PSMB7: variants seen among roughly 807,000 people sequenced by gnomAD.
The protein encoded by PSMB7 is proteasome subunit beta type-7.
Under a neutral mutation model 28.1 loss-of-function variants are expected in PSMB7, and 5 were observed. The observed-to-expected ratio is 0.18, with a 90% CI of 0.09 to 0.37. PSMB7 has a LOEUF of 0.37. Among genes scored for constraint, PSMB7 ranks in the 10% least tolerant of loss-of-function variants. The pLI, the probability that PSMB7 is intolerant of heterozygous loss-of-function variation, is 1.00. For missense variants in PSMB7, 275 were observed against 346.2 expected, an observed-to-expected ratio of 0.79 and a Z score of 1.63; for synonymous variants, 122 against 123.7, an observed-to-expected ratio of 0.99 and a Z score of 0.09.
intron 7 of PSMB7, among the ~76,000 whole-genome samples, chr9:124,354,001 T>C (rs1015250051): frequency 6.6e-6 from 1 of 152,186 alleles, no homozygotes; most frequent in East Asian, 1.9e-4. Context: ...TGGGAAGCAC[T>C]TGGTCCCTTG....
intron 5 of PSMB7, among the ~76,000 whole-genome samples, chr9:124,400,058 C>A (rs545321086): frequency 3.0e-4 from 46 of 152,176 alleles, no homozygotes; most frequent in African/African-American, 1.1e-3. Flanking sequence ...CTCTTCCACC[C>A]TCCCCATCTT....
intron 5 of PSMB7, among the ~76,000 whole-genome samples, chr9:124,402,364 C>T (rs1830919431): frequency 6.6e-6 from 1 of 152,208 alleles, no homozygotes; most frequent in South Asian, 2.1e-4. Context: ...GCTTTATGCT[C>T]ATGACACAAA....
At chr9:124,392,292 G>A (rs967644475) in intron 5 of PSMB7, among the ~76,000 whole-genome samples, 2 of 152,214 alleles carry the variant, frequency 1.3e-5, no homozygotes, top group Non-Finnish European at 2.9e-5. Flanking sequence ...AGGTGCCCAC[G>A]CAGGAGCAGC....
chr9:124,414,106 C>T, intron 2 of PSMB7, 101 bp from the exon 3 acceptor site: 2 of 666,076 alleles, frequency 3.0e-6, no homozygotes, highest in Non-Finnish European at 5.0e-6. Context: ...CCACATGCTC[C>T]CCTAATCTCA....
chr9:124,412,426 C>T lies in PSMB7; in HGVS notation c.321G>A (p.Glu107=). Residue 107 remains glutamate, a synonymous_variant, in exon 4 of 8, where the codon GAG becomes GAA. Coordinates refer to ENST00000259457, the MANE Select transcript of PSMB7 (RefSeq NM_002799.4). ...GACGGCCAGTGGAGAGGGAGTGGAG[C>T]TCCAGGTTGGAAGAAATGAGCTGGG... ...MTTQLISSNL[E]LHSLSTGRLP... 1 of 1,614,126 alleles carries T rather than the reference C, an allele frequency of 6.2e-7. No individual in the cohort carries two copies.
intron 5 of PSMB7, among the ~76,000 whole-genome samples, chr9:124,401,976 G>GCCA (rs1220542976): frequency 6.7e-6 from 1 of 150,274 alleles, no homozygotes; most frequent in African/African-American, 2.4e-5. Context: ...CAGAGATCAT[G>GCCA]CCACTGCACA....
intron 6 of PSMB7, among the ~76,000 whole-genome samples, chr9:124,361,626 A>G (rs1432088182): frequency 6.6e-6 from 1 of 152,220 alleles, no homozygotes; most frequent in East Asian, 1.9e-4. Flanking sequence ...TTAAAAGATG[A>G]TTTATGTGTT....
At chr9:124,355,979 G>A (rs1473860666) in intron 7 of PSMB7, among the ~76,000 whole-genome samples, 1 of 152,172 alleles carries the variant, frequency 6.6e-6, no homozygotes, top group East Asian at 1.9e-4. Context: ...CGGGGCTACC[G>A]TGGAGCTGAG....
chr9:124,407,010 C>A (rs763978232), intron 4 of PSMB7, among the ~76,000 whole-genome samples: 10 of 151,782 alleles, frequency 6.6e-5, no homozygotes, highest in South Asian at 2.1e-4. Context: ...TAAAAAAAAT[C>A]AAAAGAAGAA....
At chr9:124,377,821 A>C (rs1231475493) in intron 6 of PSMB7, among the ~76,000 whole-genome samples, 2 of 152,188 alleles carry the variant, frequency 1.3e-5, no homozygotes, top group Non-Finnish European at 2.9e-5. Context: ...ATAGGGTAGG[A>C]GCTCATCCCT....
At chr9:124,391,691 C>A (rs1830789409) in intron 5 of PSMB7, among the ~76,000 whole-genome samples, 1 of 151,060 alleles carries the variant, frequency 6.6e-6, no homozygotes, top group Non-Finnish European at 1.5e-5. Context: ...TCTAAAACCT[C>A]TGAAGGTGTT....
intron 6 of PSMB7, among the ~76,000 whole-genome samples, chr9:124,371,417 C>A (rs138192674): frequency 1.3e-5 from 2 of 152,228 alleles, no homozygotes; most frequent in African/African-American, 4.8e-5. Flanking sequence ...CAGAGCCTCA[C>A]TTTTGATGGT....
chr9:124,360,267 G>GT (rs1830453257), intron 6 of PSMB7, among the ~76,000 whole-genome samples: 1 of 152,238 alleles, frequency 6.6e-6, no homozygotes, highest in Non-Finnish European at 1.5e-5. Context: ...CACCACATTT[G>GT]TATCTGTCTC....
chr9:124,391,592 C>CA (rs1256989113), intron 5 of PSMB7, among the ~76,000 whole-genome samples: 1 of 151,150 alleles, frequency 6.6e-6, no homozygotes, highest in Non-Finnish European at 1.5e-5. Flanking sequence ...CACTGTTTAG[C>CA]AATGCCACTC....
chr9:124,356,693 G>C lies in PSMB7; in HGVS notation c.722+71C>G. Reference sequence around the variant, plus strand: ...GAAAGAACCAGGAAAACTCCATCCAGATGCCATGGAGATACCAAGGGTGGC... The same window carrying C: ...GAAAGAACCAGGAAAACTCCATCCACATGCCATGGAGATACCAAGGGTGGC... On this transcript the variant is annotated intron_variant, in intron 7 of 7. Coordinates refer to ENST00000259457, the MANE Select transcript of PSMB7 (RefSeq NM_002799.4). The surrounding 1 kb of genome is among the most constrained non-coding windows in gnomAD (Gnocchi z 4.4). The C allele has an allele frequency of 6.7e-7, 1 of 1,498,000 alleles. No homozygotes were observed. Among genetic ancestry groups the C allele is most frequent in the South Asian group, 1.2e-5 (1 of 80,076 alleles). The allele number at this position is 1,498,000 out of a possible 1,614,324, so 92.8% of individuals were successfully genotyped here.
chr9:124,399,579 A>G (rs1175455648), intron 5 of PSMB7, among the ~76,000 whole-genome samples: 1 of 152,202 alleles, frequency 6.6e-6, no homozygotes, highest in Non-Finnish European at 1.5e-5. Flanking sequence ...GGAAGGAAGA[A>G]CAGGAAATGA....
At chr9:124,391,454 C>T (rs1830786363) in intron 5 of PSMB7, among the ~76,000 whole-genome samples, 3 of 152,154 alleles carry the variant, frequency 2.0e-5, no homozygotes, top group Admixed American at 2.0e-4. Context: ...TTCAAACTTG[C>T]TTCTTCTTTA....
Position 124,379,164 on chromosome 9 carries a change from G to A in PSMB7, c.570+5434C>T, listed in dbSNP as rs148077792. ...ACCTTCACTGATAAAAATAAAGCAC[G>A]AGATTTATCACCAGTAAGTAATACA... On this transcript the variant is annotated intron_variant, in intron 6 of 7. Coordinates refer to ENST00000259457, the MANE Select transcript of PSMB7 (RefSeq NM_002799.4). Among the ~76,000 whole-genome samples, 105 of 149,358 alleles carry A rather than the reference G, an allele frequency of 7.0e-4. No individual in the cohort carries two copies. In the East Asian group the frequency reaches 0.019, roughly 26 times the overall value.
chr9:124,393,723 T>A (rs1401105447), intron 5 of PSMB7, among the ~76,000 whole-genome samples: 1 of 152,242 alleles, frequency 6.6e-6, no homozygotes, highest in Non-Finnish European at 1.5e-5. Flanking sequence ...CCTGACAGGT[T>A]ATAAACACTT....
Sources: allele counts gnomAD v4.1 joint callset (sites outside exome capture counted in the v4.1 genomes callset), GRCh38; gene constraint gnomAD v4.1.1; non-coding constraint Gnocchi (gnomAD v3.1); transcripts MANE v1.5; gene names NCBI Gene and HGNC (gene_info 2026-07-23, HGNC 2026-07-21).